Variants in HNRNPCL1 observed in about 807,000 individuals in gnomAD.
HNRNPCL1 encodes the protein heterogeneous nuclear ribonucleoprotein C-like 1.
A neutral mutation model predicts 19.0 loss-of-function variants in HNRNPCL1; 15 were observed. The observed-to-expected ratio is 0.79, with a 90% CI of 0.53 to 1.22. HNRNPCL1 has a LOEUF of 1.22. Ranked by LOEUF, HNRNPCL1 falls within the 50% of genes most tolerant of loss-of-function variation. The pLI is 0.00. For missense variants in HNRNPCL1, 327 were observed against 354.7 expected, an observed-to-expected ratio of 0.92 and a Z score of 0.63; for synonymous variants, 110 against 129.1, an observed-to-expected ratio of 0.85 and a Z score of 1.00.
rs773056634 is a variant in HNRNPCL1 at position 12,847,562 on chromosome 1, C to A, written c.728G>T (p.Gly243Val). The change falls in exon 2 of 2, where the codon GGT becomes GTT. Residue 243 changes from glycine to valine, a missense_variant. Transcript: ENST00000317869. ...CCCCTCCTCAGCAGAGTCTTCTGCA[C>A]CCCCCTCAGACTCCATCTTCACATG... ...ETHVKMESEG[G>V]AEDSAEEGDP... 1.1e-5 allele frequency: 17 copies of A among 1,606,160 alleles called. No homozygotes were observed. Among genetic ancestry groups the A allele is most frequent in the African/African-American group, 8.1e-5 (6 of 74,162 alleles).
Position 12,847,466 on chromosome 1 carries a change from T to A in HNRNPCL1, c.824A>T (p.Lys275Ile). Reference protein sequence around the residue: ...DQLELIKDDEKEAEEGEDDRD... With the variant: ...DQLELIKDDEIEAEEGEDDRD... Reference sequence around the variant, plus strand: ...GTCATCCTCTCCTTCCTCAGCCTCTTTTTCATCATCCTTGATCAACTCCAG... The same window carrying A: ...GTCATCCTCTCCTTCCTCAGCCTCTATTTCATCATCCTTGATCAACTCCAG... Residue 275 changes from lysine (K) to isoleucine (I), a missense_variant, in exon 2 of 2, where the codon AAA (lysine) becomes ATA (isoleucine). Around this residue, in one of 2 missense-constraint regions of HNRNPCL1, gnomAD observed 281 missense variants for 254.7 expected, o/e 1.10. Coordinates refer to ENST00000317869, the MANE Select transcript of HNRNPCL1 (RefSeq NM_001013631.3). 6.2e-7 allele frequency: 1 copy of A among 1,606,812 alleles called. No homozygotes were observed. Among genetic ancestry groups the A allele is most frequent in the Non-Finnish European group, 8.5e-7 (1 of 1,176,722 alleles).
Position 12,847,448 on chromosome 1 carries a change from T to C in HNRNPCL1, c.842A>G (p.Glu281Gly). 1.2e-6 allele frequency: 2 copies of C among 1,606,688 alleles called. No individual in the cohort carries two copies. Among genetic ancestry groups the C allele is most frequent in the Non-Finnish European group, 1.7e-6 (2 of 1,176,642 alleles). Residue 281 changes from glutamate to glycine, a missense_variant, in exon 2 of 2, where the codon GAG (glutamate) becomes GGG (glycine). By Grantham distance (98) the Glu-to-Gly change is moderately conservative (BLOSUM62 -2). This residue lies in a region of HNRNPCL1 where 281 missense variants were observed against 254.7 expected (regional missense o/e 1.10). Transcript: ENST00000317869. Reference protein sequence around the residue: ...KDDEKEAEEGEDDRDSTNGQD... With the variant: ...KDDEKEAEEGGDDRDSTNGQD... ...GCCATTGGTGCTGTCTCTGTCATCC[T>C]CTCCTTCCTCAGCCTCTTTTTCATC...
Position 12,847,767 on chromosome 1 carries a change from A to T in HNRNPCL1, c.523T>A (p.Leu175Met), listed in dbSNP as rs2994092. 1 of 1,606,418 alleles carries T rather than the reference A, an allele frequency of 6.2e-7. No homozygotes were observed. Among genetic ancestry groups the T allele is most frequent in the South Asian group, 1.1e-5 (1 of 90,464 alleles). ...GKRGSSKSGK[L>M]KGDDLQAIKQ... Reference sequence around the variant, plus strand: ...ATGGCCTGAAGGTCATCACCTTTCAACTTTCCAGACTTGGAAGATCCCCGC... The same window carrying T: ...ATGGCCTGAAGGTCATCACCTTTCATCTTTCCAGACTTGGAAGATCCCCGC... The change falls in exon 2 of 2, where the codon TTG (leucine) becomes ATG (methionine). Residue 175 changes from leucine to methionine, a missense_variant. This residue lies in a region of HNRNPCL1 where 281 missense variants were observed against 254.7 expected (regional missense o/e 1.10). Coordinates refer to ENST00000317869, the MANE Select transcript of HNRNPCL1 (RefSeq NM_001013631.3).
chr1:12,848,026 TG>T lies in HNRNPCL1; in HGVS notation c.263del (p.Pro88GlnfsTer3), dbSNP rs1640296946. On this transcript the variant is annotated frameshift_variant, in exon 2 of 2. Coordinates refer to ENST00000317869, the MANE Select transcript of HNRNPCL1 (RefSeq NM_001013631.3). LOFTEE classifies it high-confidence loss of function. ...QVVDINLAAE[P>X]KVNRGNAGVK... ...CACCTGCGTTTCCTCGGTTCACTTT[TG>T]GCTCCGCAGCCAGGTTAATATCTAC... 1 of 1,607,238 alleles carries T rather than the reference TG, an allele frequency of 6.2e-7. No individual in the cohort carries two copies. The highest frequency in any genetic ancestry group is 1.3e-5 in the African/African-American group (1 of 74,312).
Position 12,847,566 on chromosome 1 carries a change from C to G in HNRNPCL1, c.724G>C (p.Gly242Arg), listed in dbSNP as rs537856884. ...TCCTCAGCAGAGTCTTCTGCACCCCCCTCAGACTCCATCTTCACATGAGTC... is the reference window on the plus strand; with the variant it reads ...TCCTCAGCAGAGTCTTCTGCACCCCGCTCAGACTCCATCTTCACATGAGTC... The part of the protein sequence containing the change: ...DETHVKMESE[G>R]GAEDSAEEGD... Residue 242 changes from glycine (G) to arginine (R), a missense_variant, in exon 2 of 2, where the codon GGG becomes CGG. Physicochemically the swap from Gly to Arg is moderately radical, Grantham distance 125. Around this residue, in one of 2 missense-constraint regions of HNRNPCL1, gnomAD observed 281 missense variants for 254.7 expected, o/e 1.10. Transcript: ENST00000317869. 1 of 1,606,680 alleles carries G rather than the reference C, an allele frequency of 6.2e-7. No homozygotes were observed. Among genetic ancestry groups the G allele is most frequent in the East Asian group, 2.2e-5 (1 of 44,680 alleles).
Position 12,848,701 on chromosome 1 carries a change from A to AAGGT in HNRNPCL1, c.-203_-202insACCT, listed in dbSNP as rs1569831240. ...CTTACCAGATCTGGTTGTAGTTTAG[A>AAGGT]CCTCTGGTTGTAGTTGTAGCTCAGA... On this transcript the variant is annotated 5_prime_UTR_variant, in exon 1 of 2. Transcript: ENST00000317869. 9.5e-5 allele frequency: 19 copies of AAGGT among 199,638 alleles called. No individual in the cohort carries two copies. Among genetic ancestry groups the AAGGT allele is most frequent in the East Asian group, 6.2e-4 (5 of 8,004 alleles). 12.4% of individuals were successfully genotyped at this position (199,638 alleles called of 1,614,324 possible).
chr1:12,847,426 A>G lies in HNRNPCL1; in HGVS notation c.864T>C (p.Asn288=), dbSNP rs751481432. ...EEGEDDRDST[N]GQDDS ...TATGTGCTTAAGAGTCATCCTGGCC[A>G]TTGGTGCTGTCTCTGTCATCCTCTC... Residue 288 remains asparagine (N), a synonymous_variant, in exon 2 of 2, where the codon AAT becomes AAC. Coordinates refer to ENST00000317869, the MANE Select transcript of HNRNPCL1 (RefSeq NM_001013631.3). 1.6e-5 allele frequency: 25 copies of G among 1,606,726 alleles called. No homozygotes were observed. The highest frequency in any genetic ancestry group is 5.4e-5 in the African/African-American group (4 of 74,272).
chr1:12,847,994 C>T lies in HNRNPCL1; in HGVS notation c.296G>A (p.Arg99Gln), dbSNP rs150230498. ...GGAGCCGTACATCTCCGCTGCTGAT[C>T]GTTTCACACCTGCGTTTCCTCGGTT... The part of the protein sequence containing the change: ...KVNRGNAGVK[R>Q]SAAEMYGSSF... The change falls in exon 2 of 2, where the codon CGA (arginine) becomes CAA (glutamine). Residue 99 changes from arginine to glutamine, a missense_variant. Arg to Gln is a conservative substitution (Grantham distance 43, BLOSUM62 1). Coordinates refer to ENST00000317869, the MANE Select transcript of HNRNPCL1 (RefSeq NM_001013631.3). 39 of 1,607,606 alleles carry T rather than the reference C, an allele frequency of 2.4e-5. 4 individuals are homozygous for T. In the Admixed American group the frequency reaches 4.1e-4, roughly 17 times the overall value.
At position 12,848,476 on chromosome 1, in the gene HNRNPCL1, A is replaced by G. The variant is rs2359481; in HGVS notation, c.-181-6T>C. The G allele has an allele frequency of 5.7e-3, 5,890 of 1,029,140 alleles. 418 individuals carry two copies. In the African/African-American group the frequency reaches 0.084, roughly 15 times the overall value. 63.8% of individuals were successfully genotyped at this position (1,029,140 alleles called of 1,614,324 possible). ...AATGGCTCCCAACAAGAATTCTGAA[A>G]TGATGTAAAGAAAAGCACAACAACA... On this transcript the variant is annotated splice_polypyrimidine_tract_variant and splice_region_variant and intron_variant, in intron 1 of 1. Coordinates refer to ENST00000317869, the MANE Select transcript of HNRNPCL1 (RefSeq NM_001013631.3).
intron 1 of HNRNPCL1, 57 bp from the exon 2 acceptor site, chr1:12,848,527 T>G (rs542542792): frequency 1.2e-6 from 1 of 859,872 alleles, no homozygotes; most frequent in East Asian, 2.7e-5. Flanking sequence ...CAAAATTGCA[T>G]TTAGAAAAAA....
chr1:12,848,152 G>A lies in HNRNPCL1; in HGVS notation c.138C>T (p.Cys46=), dbSNP rs141516126. 3 of 1,594,956 alleles carry A rather than the reference G, an allele frequency of 1.9e-6. No homozygotes were observed. Among genetic ancestry groups the A allele is most frequent in the Non-Finnish European group, 2.6e-6 (3 of 1,169,950 alleles). ...CGAAGGCAAAGCCCTTATGAACAGA[G>A]CAGCCCGCAATTTTGCCATACTTGG... ...IFSKYGKIAG[C]SVHKGFAFVQ... The change falls in exon 2 of 2, where the codon TGC becomes TGT. Residue 46 remains cysteine, a synonymous_variant. Coordinates refer to ENST00000317869, the MANE Select transcript of HNRNPCL1 (RefSeq NM_001013631.3).
At chr1:12,848,540 T>C (rs1331299352) in intron 1 of HNRNPCL1, 70 bp from the exon 2 acceptor site, 1 of 766,916 alleles carries the variant, frequency 1.3e-6, no homozygotes, top group Non-Finnish European at 2.0e-6. Context: ...AGAAAAAAAA[T>C]CAAAGCTTCA....
At chr1:12,848,559 A>G in intron 1 of HNRNPCL1, 89 bp from the exon 2 acceptor site, 4 of 709,216 alleles carry the variant, frequency 5.6e-6, no homozygotes, top group Non-Finnish European at 8.7e-6. Context: ...CAAAGTGTTC[A>G]TATGAAAAAA....
At position 12,848,221 on chromosome 1, in the gene HNRNPCL1, G is replaced by A. The variant is rs747390834; in HGVS notation, c.69C>T (p.Leu23=). The A allele has an allele frequency of 4.5e-6, 7 of 1,563,556 alleles. No individual in the cohort carries two copies. The highest frequency in any genetic ancestry group is 6.1e-6 in the Non-Finnish European group (7 of 1,152,388). Residue 23 remains leucine (L), a synonymous_variant, in exon 2 of 2, where the codon CTC becomes CTT. Coordinates refer to ENST00000317869, the MANE Select transcript of HNRNPCL1 (RefSeq NM_001013631.3). ...CCGATTTCTTGACAACAAGAGTGTT[G>A]AGATTCCCAATGAACACACGGGAGT... The part of the protein sequence containing the change: ...SMNSRVFIGN[L]NTLVVKKSDV...
In HNRNPCL1 at chr1:12,847,893, G is replaced by C. The variant is rs1273098898; in HGVS notation, c.397C>G (p.Pro133Ala). The change falls in exon 2 of 2, where the codon CCT (proline) becomes GCT (alanine). Residue 133 changes from proline (P) to alanine (A), a missense_variant. Pro to Ala is a conservative substitution (Grantham distance 27). Around this residue, in one of 2 missense-constraint regions of HNRNPCL1, gnomAD observed 281 missense variants for 254.7 expected, o/e 1.10. Transcript: ENST00000317869. Reference sequence around the variant, plus strand: ...ACTACAGCCAGAGCAATGGGAGGAGGAGGAGGTACACGTGCTGGGAAACTG... The same window carrying C: ...ACTACAGCCAGAGCAATGGGAGGAGCAGGAGGTACACGTGCTGGGAAACTG... ...MYSFPARVPP[P>A]PPIALAVVPS... 6.2e-7 allele frequency: 1 copy of C among 1,606,672 alleles called. No homozygotes were observed. Among genetic ancestry groups the C allele is most frequent in the South Asian group, 1.1e-5 (1 of 90,490 alleles).
In HNRNPCL1 at chr1:12,847,532, G is replaced by T. The variant is rs150590256; in HGVS notation, c.758C>A (p.Pro253Gln). ...ATCTTCATTAACATCATCATCCAGT[G>T]GGTCCCCCTCCTCAGCAGAGTCTTC... ...GAEDSAEEGD[P>Q]LDDDVNEDQG... is the part of the protein sequence containing the mutation. Residue 253 changes from proline (P) to glutamine (Q), a missense_variant, in exon 2 of 2, where the codon CCA (proline) becomes CAA (glutamine). By Grantham distance (76) the Pro-to-Gln change is moderately conservative (BLOSUM62 -1). This residue lies in a region of HNRNPCL1 where 281 missense variants were observed against 254.7 expected (regional missense o/e 1.10). Coordinates refer to ENST00000317869, the MANE Select transcript of HNRNPCL1 (RefSeq NM_001013631.3). The T allele has an allele frequency of 6.2e-7, 1 of 1,606,412 alleles. No individual in the cohort carries two copies. Among genetic ancestry groups the T allele is most frequent in the East Asian group, 2.2e-5 (1 of 44,670 alleles).
Position 12,847,839 on chromosome 1 carries a change from T to C in HNRNPCL1, c.451A>G (p.Asn151Asp). 6.2e-7 allele frequency: 1 copy of C among 1,606,666 alleles called. No homozygotes were observed. The highest frequency in any genetic ancestry group is 8.5e-7 in the Non-Finnish European group (1 of 1,176,568). Residue 151 changes from asparagine (N) to aspartate (D), a missense_variant, in exon 2 of 2, where the codon AAC becomes GAC. Coordinates refer to ENST00000317869, the MANE Select transcript of HNRNPCL1 (RefSeq NM_001013631.3). ...CCACTTTTGCCCCTTCGTGAGGTGT[T>C]TCCTGATAGACGTTGACGTTTCGAG... ...VPSKRQRLSG[N>D]TSRRGKSGFN... is the part of the protein sequence containing the mutation.
In HNRNPCL1 at chr1:12,847,679, A is replaced by G. The variant is rs773506725; in HGVS notation, c.611T>C (p.Ile204Thr). 4.4e-6 allele frequency: 7 copies of G among 1,605,598 alleles called. No homozygotes were observed. The African/African-American group carries it at 8.1e-5, about 19-fold the overall frequency. The change falls in exon 2 of 2, where the codon ATT becomes ACT. Residue 204 changes from isoleucine to threonine, a missense_variant. Ile to Thr is a moderately conservative substitution (Grantham distance 89, BLOSUM62 -1). This residue lies in a region of HNRNPCL1 where 281 missense variants were observed against 254.7 expected (regional missense o/e 1.10). Coordinates refer to ENST00000317869, the MANE Select transcript of HNRNPCL1 (RefSeq NM_001013631.3). The part of the protein sequence containing the change: ...VDSLLENLEK[I>T]EKEQSKQEVE... ...CTCTTGTTTGCTCTGTTCCTTTTCA[A>G]TTTTTTCCAGGTTTTCCAGGAGAGA... is the stretch of plus-strand genomic sequence containing the variant.
At position 12,848,417 on chromosome 1, in the gene HNRNPCL1, C is replaced by G. The variant is rs1376612127; in HGVS notation, c.-128G>C. 6 of 1,242,694 alleles carry G rather than the reference C, an allele frequency of 4.8e-6. No homozygotes were observed. Among genetic ancestry groups the G allele is most frequent in the Non-Finnish European group, 6.6e-6 (6 of 911,010 alleles). 77.0% of individuals were successfully genotyped at this position (1,242,694 alleles called of 1,614,324 possible). Reference sequence around the variant, plus strand: ...TGACTGCGGCTCGAGGCCAGAAATGCAGCCAAAACAGCTCAGTCTTCGTCT... The same window carrying G: ...TGACTGCGGCTCGAGGCCAGAAATGGAGCCAAAACAGCTCAGTCTTCGTCT... On this transcript the variant is annotated 5_prime_UTR_variant, in exon 2 of 2. Coordinates refer to ENST00000317869, the MANE Select transcript of HNRNPCL1 (RefSeq NM_001013631.3).
Sources: gnomAD v4.1 joint callset for allele counts on GRCh38, gnomAD v4.1.1 for gene constraint, gnomAD v4.1.1 regional missense constraint, MANE v1.5 for transcripts, NCBI Gene and HGNC (gene_info 2026-07-23, HGNC 2026-07-21) for gene names.